Variants in RASSF8 observed in about 807,000 individuals in gnomAD.
RASSF8 encodes ras association domain-containing protein 8.
A neutral mutation model predicts 48.5 loss-of-function variants in RASSF8; 22 were observed. The ratio of observed to expected loss-of-function variants is 0.45; its 90% CI spans 0.32 to 0.65. The LOEUF (loss-of-function observed/expected upper bound fraction) is 0.65. RASSF8 is among the 30% of genes least tolerant of loss of function. RASSF8 has a pLI of 0.03. For synonymous variants in RASSF8, 127 were observed against 171.5 expected, an observed-to-expected ratio of 0.74 and a Z score of 2.03; for missense variants, 418 against 489.2, an observed-to-expected ratio of 0.85 and a Z score of 1.37.
intron 5 of RASSF8, chr12:26,078,968 T>C (rs1944094505): frequency 7.5e-6 from 11 of 1,473,270 alleles, no homozygotes; most frequent in Non-Finnish European, 9.9e-6. Flanking sequence ...TGATTATGTA[T>C]ACAAAAACAA....
chr12:26,077,253 C>T (rs1306282362), downstream of RASSF8, among the ~76,000 whole-genome samples: 1 of 152,180 alleles, frequency 6.6e-6, no homozygotes, highest in East Asian at 1.9e-4. Context: ...TGTGCAGAAG[C>T]TCTTTAGTTT....
At chr12:26,040,442 G>A (rs751387615) in intron 2 of RASSF8, among the ~76,000 whole-genome samples, 47 of 152,294 alleles carry the variant, frequency 3.1e-4, no homozygotes, top group Non-Finnish European at 2.9e-5. Flanking sequence ...CATCTTACCC[G>A]GAGGAGGAAA....
At chr12:25,983,097 C>T (rs1051644203) in intron 1 of RASSF8, among the ~76,000 whole-genome samples, 4 of 151,948 alleles carry the variant, frequency 2.6e-5, no homozygotes, top group African/African-American at 4.8e-5. Context: ...AAGGCATCAT[C>T]GATAGAACCA....
chr12:25,965,363 C>CTTT lies in RASSF8; in HGVS notation c.-203+6233_-203+6235dup, dbSNP rs11420016. ...ATTCCCACATCACTTTCCCAAATTT[C>CTTT]TTTTTTTTTTTTTTTTTTTTGAGAC... On this transcript the variant is annotated intron_variant, in intron 1 of 5. Transcript: ENST00000689635. Among the ~76,000 whole-genome samples the CTTT allele has an allele frequency of 9.7e-4, 113 of 116,850 alleles. 1 individual carries two copies. Among genetic ancestry groups the CTTT allele is most frequent in the Non-Finnish European group, 1.3e-3 (73 of 57,572 alleles). 76.7% of individuals were successfully genotyped at this position (116,850 alleles called of 152,430 possible).
intron 3 of RASSF8, among the ~76,000 whole-genome samples, chr12:26,062,750 A>G (rs1943772621): frequency 6.6e-6 from 1 of 152,234 alleles, no homozygotes; most frequent in African/African-American, 2.4e-5. Context: ...ATTTAAAGGA[A>G]TTCTGTGGTC....
At chr12:25,980,494 C>T (rs1209839299) in intron 1 of RASSF8, among the ~76,000 whole-genome samples, 1 of 152,224 alleles carries the variant, frequency 6.6e-6, no homozygotes, top group African/African-American at 2.4e-5. Context: ...GTCTTCCAAA[C>T]AGGGTTTGAT....
rs1006433382 is a variant in RASSF8 at position 26,057,580 on chromosome 12, A to G, written c.103+2134A>G. Among the ~76,000 whole-genome samples the G allele has an allele frequency of 2.0e-5, 3 of 152,336 alleles. No homozygotes were observed. In the East Asian group the frequency reaches 5.8e-4, roughly 29 times the overall value. ...CTTTGCTATTGTGAATAGTGCTGCAATAAACATACGTGTGCGTGTGTCTTT... is the reference window on the plus strand; with the variant it reads ...CTTTGCTATTGTGAATAGTGCTGCAGTAAACATACGTGTGCGTGTGTCTTT... On this transcript the variant is annotated intron_variant, in intron 3 of 5. Coordinates refer to ENST00000689635, the MANE Select transcript of RASSF8 (RefSeq NM_001394098.1).
intron 2 of RASSF8, among the ~76,000 whole-genome samples, chr12:26,036,739 C>G (rs1270153582): frequency 1.3e-5 from 2 of 151,666 alleles, no homozygotes; most frequent in Non-Finnish European, 2.9e-5. Context: ...GAAACCCTGT[C>G]TCTACTAAAA....
rs1943938301 is a variant in RASSF8 at position 26,068,752 on chromosome 12, C to T, written c.1194C>T (p.Pro398=). ...GACCTGGTTCATCTCGGCAGCTCCC[C>T]AGTAATCTCCGCATTCTGCAGAATC... The part of the protein sequence containing the change: ...LKRPGSSRQL[P]SNLRILQNPI... Residue 398 remains proline (P), a synonymous_variant, in exon 6 of 6, where the codon CCC becomes CCT. Coordinates refer to ENST00000689635, the MANE Select transcript of RASSF8 (RefSeq NM_001394098.1). 1.3e-6 allele frequency: 2 copies of T among 1,537,168 alleles called. No homozygotes were observed. Among genetic ancestry groups the T allele is most frequent in the African/African-American group, 2.7e-5 (2 of 73,032 alleles).
intron 2 of RASSF8, among the ~76,000 whole-genome samples, chr12:26,018,739 A>G (rs78884090): frequency 1.6e-3 from 239 of 152,348 alleles, no homozygotes; most frequent in African/African-American, 5.6e-3. Context: ...AGGAGTCATT[A>G]CAATGAGGAA....
chr12:25,987,478 A>G (rs1020765408), intron 1 of RASSF8, among the ~76,000 whole-genome samples: 5 of 152,192 alleles, frequency 3.3e-5, no homozygotes, highest in African/African-American at 9.6e-5. Context: ...AAGGCAGGAA[A>G]TGATAAGGTT....
exon 6 of RASSF8, chr12:26,079,606 A>G (rs1335175722): frequency 1.3e-5 from 2 of 151,310 alleles, no homozygotes; most frequent in Admixed American, 6.6e-5. Flanking sequence ...AAAAAAAAAT[A>G]GATATTTTTC....
intron 2 of RASSF8, among the ~76,000 whole-genome samples, chr12:26,012,311 C>T (rs958206101): frequency 2.0e-5 from 3 of 152,210 alleles, no homozygotes; most frequent in Non-Finnish European, 4.4e-5. Flanking sequence ...AAGAATTTAA[C>T]AGATATAACA....
At chr12:25,984,067 T>G (rs936235754) in intron 1 of RASSF8, among the ~76,000 whole-genome samples, 1 of 152,044 alleles carries the variant, frequency 6.6e-6, no homozygotes, top group Non-Finnish European at 1.5e-5. Context: ...ATGTATTTAT[T>G]TATTTATTTC....
chr12:26,004,682 A>C (rs1489839415), intron 2 of RASSF8, among the ~76,000 whole-genome samples: 1 of 152,152 alleles, frequency 6.6e-6, no homozygotes, highest in African/African-American at 2.4e-5. Context: ...GAAGTGGATC[A>C]TCAGAAAGGT....
At position 26,068,870 on chromosome 12, in the gene RASSF8, C is replaced by T; in HGVS notation, c.*52C>T. ...CAACAGAGGTACCAAGGACAGTAAACTTCCTTTTTGATTTGTGCCAATGAT... is the reference window on the plus strand; with the variant it reads ...CAACAGAGGTACCAAGGACAGTAAATTTCCTTTTTGATTTGTGCCAATGAT... On this transcript the variant is annotated 3_prime_UTR_variant, in exon 6 of 6. Coordinates refer to ENST00000689635, the MANE Select transcript of RASSF8 (RefSeq NM_001394098.1). 3 of 1,525,232 alleles carry T rather than the reference C, an allele frequency of 2.0e-6. No individual in the cohort carries two copies. The highest frequency in any genetic ancestry group is 2.6e-6 in the Non-Finnish European group (3 of 1,140,982). The allele number at this position is 1,525,232 out of a possible 1,614,324, so 94.5% of individuals were successfully genotyped here. A position where few individuals can be genotyped will look rare whatever the true frequency, so the allele number is the denominator to read the frequency against.
intron 1 of RASSF8, among the ~76,000 whole-genome samples, chr12:25,983,345 A>G (rs1325182023): frequency 2.6e-5 from 4 of 152,266 alleles, no homozygotes; most frequent in African/African-American, 9.6e-5. Flanking sequence ...AGCCAGAGCA[A>G]GAATTAAGCA....
chr12:25,969,142 A>G (rs998976267), intron 1 of RASSF8, among the ~76,000 whole-genome samples: 1 of 152,202 alleles, frequency 6.6e-6, no homozygotes, highest in Admixed American at 6.5e-5. Context: ...CTTATTGGCT[A>G]TGACAAGGAT....
intron 2 of RASSF8, among the ~76,000 whole-genome samples, chr12:26,047,221 A>G (rs1428430819): frequency 1.3e-5 from 2 of 152,134 alleles, no homozygotes; most frequent in Non-Finnish European, 2.9e-5. Context: ...CCAATGGTAT[A>G]TTATTTTTAT....
Sources: allele counts gnomAD v4.1 joint callset (sites outside exome capture counted in the v4.1 genomes callset), GRCh38; gene constraint gnomAD v4.1.1; transcripts MANE v1.5; gene names NCBI Gene and HGNC (gene_info 2026-07-23, HGNC 2026-07-21).